Variants in RFTN2 observed in about 807,000 individuals in gnomAD.
RFTN2 encodes raftlin family member 2.
RFTN2 carries 34 observed loss-of-function variants against 52.7 expected under a neutral mutation model. The ratio of observed to expected loss-of-function variants is 0.64; its 90% CI spans 0.49 to 0.86. The LOEUF (loss-of-function observed/expected upper bound fraction) is 0.86, where lower values mean the gene tolerates loss of function less well. Among genes scored for constraint, RFTN2 ranks in the 40% least tolerant of loss-of-function variants. RFTN2 has a pLI of 0.00. For missense variants in RFTN2, 536 were observed against 600.1 expected (o/e 0.89, Z 1.12); for synonymous variants, 203 against 217.7 (o/e 0.93, Z 0.59).
In RFTN2 at chr2:197,633,931, T is replaced by A. The variant is rs776010086; in HGVS notation, c.505A>T (p.Lys169Ter). ...GFISQHYSPS[K>*]FCNGTNHDGD... ...TCATGGTTGGTTCCATTGCAGAATT[T>A]AGATGGAGAATAATGCTGTGATATG... Residue 169 changes from lysine to a stop codon, truncating the protein, a stop_gained, in exon 4 of 9, where the codon AAA becomes TAA. Transcript: ENST00000295049. LOFTEE classifies it high-confidence loss of function. 1.2e-6 allele frequency: 2 copies of A among 1,613,168 alleles called. No homozygotes were observed. The highest frequency in any genetic ancestry group is 2.7e-5 in the African/African-American group (2 of 74,910).
intron 3 of RFTN2, among the ~76,000 whole-genome samples, chr2:197,634,484 C>T (rs1356261468): frequency 4.6e-5 from 7 of 152,078 alleles, no homozygotes; most frequent in East Asian, 1.9e-4. Context: ...TGATTCTTGA[C>T]GAATGTGTAG....
chr2:197,572,870 TGA>T (rs893371558), intron 8 of RFTN2, among the ~76,000 whole-genome samples: 22 of 152,208 alleles, frequency 1.4e-4, no homozygotes, highest in African/African-American at 5.3e-4. Context: ...ATAAGTATCA[TGA>T]GATCTGATGG....
intron 2 of RFTN2, among the ~76,000 whole-genome samples, chr2:197,645,783 G>C (rs2088739064): frequency 6.6e-6 from 1 of 152,210 alleles, no homozygotes. Flanking sequence ...CCAGTACTTT[G>C]GGAGGCCAAG....
intron 8 of RFTN2, among the ~76,000 whole-genome samples, chr2:197,589,947 C>T (rs926431212): frequency 1.1e-4 from 16 of 152,052 alleles, no homozygotes; most frequent in African/African-American, 3.6e-4. Flanking sequence ...CACTCTGTTG[C>T]TCAGGCTGGA....
intron 3 of RFTN2, among the ~76,000 whole-genome samples, chr2:197,635,600 T>C (rs1412736235): frequency 6.7e-6 from 1 of 149,110 alleles, no homozygotes; most frequent in Non-Finnish European, 1.5e-5. Context: ...TTTTTTCTTG[T>C]AAATTTGTTT....
intron 1 of RFTN2, among the ~76,000 whole-genome samples, chr2:197,670,926 C>CAGTCTTAATTAATCCCAGAACTT (rs2089135971): frequency 6.6e-6 from 1 of 152,128 alleles, no homozygotes; most frequent in Non-Finnish European, 1.5e-5. Flanking sequence ...CCTTCAAATC[C>CAGTCTTAATTAATCCCAGAACTT]AGCCAGTCAC....
In RFTN2 at chr2:197,572,128, C is replaced by T. The variant is rs929085688; in HGVS notation, c.1386G>A (p.Glu462=). The change falls in exon 9 of 9, where the codon GAG becomes GAA. Residue 462 remains glutamate (E), a synonymous_variant. Coordinates refer to ENST00000295049, the MANE Select transcript of RFTN2 (RefSeq NM_144629.3). Reference sequence around the variant, plus strand: ...AGCTGTTGTGCTGTGCCAGCCTTCCCTCCTTTGTCCAGCATTCCCGGGAGG... The same window carrying T: ...AGCTGTTGTGCTGTGCCAGCCTTCCTTCCTTTGTCCAGCATTCCCGGGAGG... ...LSPSRECWTK[E]GRLAQHNSFS... is the part of the protein sequence containing the mutation. 1.2e-6 allele frequency: 2 copies of T among 1,614,250 alleles called. No homozygotes were observed. The highest frequency in any genetic ancestry group is 1.6e-4 in the Middle Eastern group (1 of 6,062).
rs1008073874 is a variant in RFTN2 at position 197,621,556 on chromosome 2, A to G, written c.929-3635T>C. Among the ~76,000 whole-genome samples the G allele has an allele frequency of 4.0e-4, 61 of 151,648 alleles. 2 individuals carry two copies. Among genetic ancestry groups the G allele is most frequent in the South Asian group, 2.1e-4 (1 of 4,778 alleles). Reference sequence around the variant, plus strand: ...TTTCAACCTTTTTCATTATTATTCTATCTGTTATGGTGGTCTGTGATCAAT... The same window carrying G: ...TTTCAACCTTTTTCATTATTATTCTGTCTGTTATGGTGGTCTGTGATCAAT... On this transcript the variant is annotated intron_variant, in intron 5 of 8. Coordinates refer to ENST00000295049, the MANE Select transcript of RFTN2 (RefSeq NM_144629.3).
intron 7 of RFTN2, among the ~76,000 whole-genome samples, chr2:197,611,172 A>G (rs1431092257): frequency 6.6e-6 from 1 of 152,076 alleles, no homozygotes; most frequent in Admixed American, 6.6e-5. Flanking sequence ...GATTGAGATA[A>G]TTTCAGAAGG....
chr2:197,592,070 C>T (rs1163797412), intron 8 of RFTN2, among the ~76,000 whole-genome samples: 3 of 152,146 alleles, frequency 2.0e-5, no homozygotes, highest in Non-Finnish European at 2.9e-5. Flanking sequence ...GCTGAGGAGG[C>T]GCGGAGAGTG....
At chr2:197,616,005 T>G in intron 6 of RFTN2, 26 bp from the exon 7 acceptor site, 6 of 1,360,634 alleles carry the variant, frequency 4.4e-6, no homozygotes, top group Non-Finnish European at 5.1e-6. Flanking sequence ...TAAGAGCTCA[T>G]AGTCTAATGG....
chr2:197,619,074 G>A (rs1439681400), intron 5 of RFTN2, among the ~76,000 whole-genome samples: 4 of 149,468 alleles, frequency 2.7e-5, no homozygotes, highest in African/African-American at 4.9e-5. Flanking sequence ...CTGCCCGGCC[G>A]CCCCTACTGG....
chr2:197,645,232 C>T (rs1410120351), intron 2 of RFTN2, among the ~76,000 whole-genome samples: 1 of 152,190 alleles, frequency 6.6e-6, no homozygotes, highest in Non-Finnish European at 1.5e-5. Flanking sequence ...TGTTTAGCTA[C>T]ACAAATACTT....
rs183129951 is a variant in RFTN2, at chr2:197,626,721, C to T, written c.928+4290G>A. ...ACTGCAACCTCTGCCTCCTGGCAAG[C>T]GATTTTCTTGCCTCAGCCTCCTGAG... On this transcript the variant is annotated intron_variant, in intron 5 of 8. Transcript: ENST00000295049. Among the ~76,000 whole-genome samples, 12 of 139,646 alleles carry T rather than the reference C, an allele frequency of 8.6e-5. No individual in the cohort carries two copies. The East Asian group carries it at 8.6e-4, about 10-fold the overall frequency. The allele number at this position is 139,646 out of a possible 152,430, so 91.6% of individuals were successfully genotyped here.
intron 8 of RFTN2, among the ~76,000 whole-genome samples, chr2:197,575,765 T>C (rs1342427004): frequency 2.5e-5 from 3 of 120,426 alleles, no homozygotes; most frequent in Admixed American, 8.7e-5. Context: ...TTTTTATATA[T>C]ATAATATATA....
At chr2:197,594,385 T>C (rs1189886097) in intron 8 of RFTN2, among the ~76,000 whole-genome samples, 1 of 152,044 alleles carries the variant, frequency 6.6e-6, no homozygotes, top group Non-Finnish European at 1.5e-5. Context: ...TGGAATGCAG[T>C]GGCATGATCA....
chr2:197,593,866 C>A (rs1429325692), intron 8 of RFTN2, among the ~76,000 whole-genome samples: 2 of 130,686 alleles, frequency 1.5e-5, no homozygotes, highest in Non-Finnish European at 3.2e-5. Context: ...AGCCTGGCAA[C>A]AGAGTGAGAC....
At chr2:197,607,475 TATA>T (rs67699316) in intron 7 of RFTN2, among the ~76,000 whole-genome samples, 51,994 of 147,356 alleles carry the variant, frequency 0.35, 10,163 homozygotes, top group Middle Eastern at 0.5. Context: ...AAACTTGAAG[TATA>T]ATAATAATAA....
At chr2:197,628,326 G>C (rs1340748973) in intron 5 of RFTN2, among the ~76,000 whole-genome samples, 1 of 152,116 alleles carries the variant, frequency 6.6e-6, no homozygotes, top group African/African-American at 2.4e-5. Context: ...GCTGAGAGGG[G>C]AAGATTCTGC....
Sources: allele counts gnomAD v4.1 joint callset (sites outside exome capture counted in the v4.1 genomes callset), GRCh38; gene constraint gnomAD v4.1.1; transcripts MANE v1.5; gene names NCBI Gene and HGNC (gene_info 2026-07-23, HGNC 2026-07-21).